Variants in TM9SF2 observed in about 807,000 individuals in gnomAD.
TM9SF2 encodes the protein 76 kDa membrane protein.
In TM9SF2, 13 loss-of-function variants were observed where a neutral mutation model predicts 84.9. The ratio of observed to expected loss-of-function variants is 0.15; its 90% CI spans 0.10 to 0.24. The LOEUF (loss-of-function observed/expected upper bound fraction) is 0.24. Among genes scored for constraint, TM9SF2 ranks in the 10% least tolerant of loss-of-function variants. The pLI is 1.00. For missense variants in TM9SF2, 562 were observed against 818.5 expected, an observed-to-expected ratio of 0.69 and a Z score of 3.82; for synonymous variants, 273 against 285.8, an observed-to-expected ratio of 0.96 and a Z score of 0.45.
chr13:99,523,814 GGAAA>G (rs780504536), intron 3 of TM9SF2, among the ~76,000 whole-genome samples: 1 of 152,160 alleles, frequency 6.6e-6, no homozygotes, highest in Non-Finnish European at 1.5e-5. Context: ...CAATTACTGA[GGAAA>G]GAACTATTGA....
intron 1 of TM9SF2, among the ~76,000 whole-genome samples, chr13:99,506,757 A>G (rs1156441156): frequency 6.6e-6 from 1 of 152,186 alleles, no homozygotes; most frequent in Non-Finnish European, 1.5e-5. Flanking sequence ...CACACCCCCA[A>G]CACAAACACA....
chr13:99,547,201 A>C, intron 11 of TM9SF2, 97 bp downstream of exon 11: 1 of 1,548,670 alleles, frequency 6.5e-7, no homozygotes, highest in Non-Finnish European at 8.8e-7. Flanking sequence ...CTTTGTAAAT[A>C]GTGTGCCTCA....
At chr13:99,510,528 T>A (rs1478373705) in intron 1 of TM9SF2, among the ~76,000 whole-genome samples, 1 of 152,154 alleles carries the variant, frequency 6.6e-6, no homozygotes, top group East Asian at 1.9e-4. Flanking sequence ...CAGGAAGCTT[T>A]TACTCATGGC....
In TM9SF2 at chr13:99,501,567, AC is replaced by A. The variant is rs1245579617; in HGVS notation, c.-35del. 2 of 1,583,650 alleles carry A rather than the reference AC, an allele frequency of 1.3e-6. No individual in the cohort carries two copies. The highest frequency in any genetic ancestry group is 1.7e-6 in the Non-Finnish European group (2 of 1,164,652). On this transcript the variant is annotated 5_prime_UTR_variant, in exon 1 of 17. Coordinates refer to ENST00000376387, the MANE Select transcript of TM9SF2 (RefSeq NM_004800.3). ...ACTCCCCACCCCTCCTTCCCTCTTG[AC>A]CCCCTAGGTTTGATTGCCCTTTCCC...
Position 99,540,756 on chromosome 13 carries a change from CTGGAGTCTA to C in TM9SF2, c.874_882del (p.Glu292_Met294del), listed in dbSNP as rs1345216967. The C allele has an allele frequency of 6.2e-7, 1 of 1,613,812 alleles. No homozygotes were observed. Among genetic ancestry groups the C allele is most frequent in the Admixed American group, 1.7e-5 (1 of 60,016 alleles). ...ATGGGCGTCTAGATGGGACTATATT[CTGGAGTCTA>C]TGCCTCATACCCACATTCAGTGGTT... On this transcript the variant is annotated inframe_deletion, in exon 8 of 17. Transcript: ENST00000376387.
At chr13:99,528,995 A>G (rs1040851706) in intron 3 of TM9SF2, among the ~76,000 whole-genome samples, 3 of 152,188 alleles carry the variant, frequency 2.0e-5, no homozygotes, top group African/African-American at 7.2e-5. Context: ...TGAATGTCAC[A>G]TGCTCTCTTG....
intron 3 of TM9SF2, among the ~76,000 whole-genome samples, chr13:99,527,509 G>A (rs750753273): frequency 5.3e-5 from 8 of 152,026 alleles, no homozygotes; most frequent in Admixed American, 2.0e-4. Context: ...GTGGGGTACC[G>A]CCCCCCATGA....
intron 3 of TM9SF2, among the ~76,000 whole-genome samples, chr13:99,525,274 C>T (rs1015736186): frequency 1.3e-5 from 2 of 152,162 alleles, no homozygotes; most frequent in Non-Finnish European, 2.9e-5. Flanking sequence ...GACAGTCTTA[C>T]TCTGTTGTCC....
rs770798347 is a variant in TM9SF2 at position 99,540,718 on chromosome 13, A to T, written c.833A>T (p.Asp278Val). The T allele has an allele frequency of 1.2e-5, 19 of 1,613,380 alleles. No homozygotes were observed. ...AGATTTTTTAATCTCCTCTAGGAAG[A>T]TGATAAGATCAGATGGGCGTCTAGA... Reference protein sequence around the residue: ...AYTYSVSFEEDDKIRWASRWD... With the variant: ...AYTYSVSFEEVDKIRWASRWD... The change falls in exon 8 of 17, where the codon GAT becomes GTT. Residue 278 changes from aspartate (D) to valine (V), a missense_variant. Asp to Val is a radical substitution (Grantham distance 152). This residue lies in a region of TM9SF2 where 219 missense variants were observed against 338.1 expected (regional missense o/e 0.65). Coordinates refer to ENST00000376387, the MANE Select transcript of TM9SF2 (RefSeq NM_004800.3).
intron 9 of TM9SF2, among the ~76,000 whole-genome samples, chr13:99,542,258 A>G (rs1352258588): frequency 2.0e-5 from 3 of 152,076 alleles, no homozygotes; most frequent in African/African-American, 7.2e-5. Flanking sequence ...GTAGGTGCAC[A>G]GTTACAACTC....
chr13:99,554,305 C>A lies in TM9SF2; in HGVS notation c.1490C>A (p.Ala497Asp). Residue 497 changes from alanine to aspartate, a missense_variant and splice_region_variant, in exon 14 of 17, where the codon GCC becomes GAC. Transcript: ENST00000376387. ...IGAYFGFKKN[A>D]IEHPVRTNQI... The stretch of plus-strand genomic sequence containing the variant: ...TCTTCCTTCCTTTTTTTACTGAAGG[C>A]CATTGAACACCCAGTTCGAACCAAT... 1 of 1,608,032 alleles carries A rather than the reference C, an allele frequency of 6.2e-7. No homozygotes were observed. Among genetic ancestry groups the A allele is most frequent in the Non-Finnish European group, 8.5e-7 (1 of 1,177,470 alleles).
chr13:99,537,928 T>C, intron 6 of TM9SF2, 65 bp downstream of exon 6: 1 of 1,531,032 alleles, frequency 6.5e-7, no homozygotes, highest in Non-Finnish European at 8.7e-7. Context: ...GAATAAGTAT[T>C]TGGGGCTCAA....
chr13:99,511,612 G>A (rs925825287), intron 1 of TM9SF2, among the ~76,000 whole-genome samples: 15 of 152,216 alleles, frequency 9.9e-5, no homozygotes, highest in African/African-American at 3.6e-4. Flanking sequence ...GCATGTGTGA[G>A]ATGGTAATTC....
intron 12 of TM9SF2, 49 bp from the exon 13 acceptor site, chr13:99,552,118 T>A: frequency 6.4e-7 from 1 of 1,557,912 alleles, no homozygotes; most frequent in Non-Finnish European, 8.8e-7. Context: ...ATACTACTGT[T>A]GCATTTTGTT....
At chr13:99,535,881 A>G (rs1477233933) in intron 4 of TM9SF2, among the ~76,000 whole-genome samples, 1 of 152,142 alleles carries the variant, frequency 6.6e-6, no homozygotes, top group Non-Finnish European at 1.5e-5. Context: ...TTCTGCTTTT[A>G]TTATTTAAGT....
intron 1 of TM9SF2, among the ~76,000 whole-genome samples, chr13:99,515,079 A>T (rs1033670194): frequency 5.9e-5 from 9 of 152,256 alleles, no homozygotes; most frequent in African/African-American, 2.2e-4. Context: ...AGAAAGGTTG[A>T]GAGTGAGGAA....
rs758314160 is a variant in TM9SF2, at chr13:99,554,294, T to A, written c.1489-10T>A. The stretch of plus-strand genomic sequence containing the variant: ...TAATTATGAATTCTTCCTTCCTTTT[T>A]TTACTGAAGGCCATTGAACACCCAG... On this transcript the variant is annotated splice_polypyrimidine_tract_variant and intron_variant, in intron 13 of 16. Transcript: ENST00000376387. 23 of 1,604,444 alleles carry A rather than the reference T, an allele frequency of 1.4e-5. No homozygotes were observed. The highest frequency in any genetic ancestry group is 1.7e-5 in the Non-Finnish European group (20 of 1,175,686).
intron 13 of TM9SF2, 37 bp from the exon 14 acceptor site, chr13:99,554,267 C>T (rs750694075): frequency 2.5e-5 from 40 of 1,595,678 alleles, no homozygotes; most frequent in Non-Finnish European, 2.8e-5. Flanking sequence ...GAGACAGATA[C>T]GTAATTATGA....
Position 99,539,426 on chromosome 13 carries a change from C to G in TM9SF2, c.717-20C>G. ...AAGTTGTACTTTATCAGCATCTTGC[C>G]AAAATGTTTCTTCCCACAGCTTCAA... On this transcript the variant is annotated intron_variant, in intron 6 of 16. Coordinates refer to ENST00000376387, the MANE Select transcript of TM9SF2 (RefSeq NM_004800.3). 1 of 1,509,592 alleles carries G rather than the reference C, an allele frequency of 6.6e-7. No homozygotes were observed. The highest frequency in any genetic ancestry group is 9.2e-7 in the Non-Finnish European group (1 of 1,088,038). 93.5% of individuals were successfully genotyped at this position (1,509,592 alleles called of 1,614,324 possible). A position where few individuals can be genotyped will look rare whatever the true frequency, so the allele number is the denominator to read the frequency against.
Sources: allele counts gnomAD v4.1 joint callset (sites outside exome capture counted in the v4.1 genomes callset), GRCh38; gene constraint gnomAD v4.1.1; regional missense constraint gnomAD v4.1.1; transcripts MANE v1.5; gene names NCBI Gene and HGNC (gene_info 2026-07-23, HGNC 2026-07-21).